Variants in THTPA observed in about 807,000 individuals in gnomAD.
THTPA encodes thiamine-triphosphatase.
In THTPA, 16 loss-of-function variants were observed where a neutral mutation model predicts 16.5. That is an observed-to-expected ratio of 0.97 (90% CI 0.66 to 1.47). The LOEUF is 1.47. THTPA is among the 40% of genes most tolerant of loss of function. The pLI, the probability that THTPA is intolerant of heterozygous loss-of-function variation, is 0.00. For synonymous variants in THTPA, 110 were observed against 115.5 expected (o/e 0.95, Z 0.30); for missense variants, 281 against 280.9 (o/e 1.00, Z 0.00).
the THTPA span, among the ~76,000 whole-genome samples, chr14:23,519,547 CTG>C: frequency 6.6e-6 from 1 of 152,120 alleles, no homozygotes; most frequent in African/African-American, 2.4e-5. Context: ...TTGCCTAGAT[CTG>C]TGACTGGCAT....
the THTPA span, chr14:23,532,842 G>C: frequency 6.5e-7 from 1 of 1,536,426 alleles, no homozygotes; most frequent in Non-Finnish European, 8.7e-7. Context: ...TAGCAGCAAA[G>C]CTTGCAGCGG....
chr14:23,541,297 T>A, the THTPA span, among the ~76,000 whole-genome samples: 3 of 151,548 alleles, frequency 2.0e-5, no homozygotes, highest in Non-Finnish European at 4.4e-5. Flanking sequence ...ATTTTTTTTT[T>A]TTTTTTTTGA....
the THTPA span, chr14:23,512,707 T>C: frequency 1.3e-5 from 2 of 150,484 alleles, no homozygotes; most frequent in Admixed American, 6.6e-5. Context: ...TTAAAAAATA[T>C]ATATGTGTGT....
At chr14:23,518,991 T>C in the THTPA span, among the ~76,000 whole-genome samples, 1 of 152,134 alleles carries the variant, frequency 6.6e-6, no homozygotes, top group Non-Finnish European at 1.5e-5. The surrounding 1 kb of genome is among the most constrained non-coding windows in gnomAD (Gnocchi z 4.5). Context: ...TCAGGAAGCA[T>C]GTTAATTGAC....
the THTPA span, chr14:23,526,988 A>G: frequency 1.3e-6 from 2 of 1,492,060 alleles, no homozygotes; most frequent in Non-Finnish European, 8.9e-7. Flanking sequence ...AATGAGAAAA[A>G]GCCTAGTGGC....
chr14:23,523,732 G>A, the THTPA span: 3 of 1,536,310 alleles, frequency 2.0e-6, no homozygotes, highest in Non-Finnish European at 2.6e-6. The surrounding 1 kb of genome is among the most constrained non-coding windows in gnomAD (Gnocchi z 4.1). Flanking sequence ...TGCTCATCTG[G>A]GTCCTGTAGC....
At chr14:23,542,360 G>A in the THTPA span, 2 of 152,302 alleles carry the variant, frequency 1.3e-5, no homozygotes, top group African/African-American at 4.8e-5. Context: ...GCGGTAGGCT[G>A]AAACCACACA....
chr14:23,550,671 G>A, the THTPA span, among the ~76,000 whole-genome samples: 1 of 152,214 alleles, frequency 6.6e-6, no homozygotes, highest in Non-Finnish European at 1.5e-5. Context: ...GCAGACGAGC[G>A]GATGGGGGTG....
chr14:23,521,911 T>A, the THTPA span: 8 of 1,531,442 alleles, frequency 5.2e-6, no homozygotes, highest in Non-Finnish European at 7.0e-6. Context: ...CCCCTTGGGG[T>A]AAAAGAGGGA....
At chr14:23,535,456 C>A in the THTPA span, 8 of 1,177,236 alleles carry the variant, frequency 6.8e-6, no homozygotes, top group Non-Finnish European at 8.9e-6. The surrounding 1 kb of genome is among the most constrained non-coding windows in gnomAD (Gnocchi z 4.5). Context: ...TACTCCTGCC[C>A]CATCCTCTTC....
the THTPA span, among the ~76,000 whole-genome samples, chr14:23,520,243 C>G: frequency 6.6e-6 from 1 of 152,066 alleles, no homozygotes; most frequent in Non-Finnish European, 1.5e-5. This position sits in a 1 kb window ranked among gnomAD's most constrained non-coding sequence, Gnocchi z 8.7. Flanking sequence ...GGACGGGTCC[C>G]GACTCCCTTG....
the THTPA span, among the ~76,000 whole-genome samples, chr14:23,512,416 G>T: frequency 1.3e-5 from 2 of 152,098 alleles, no homozygotes; most frequent in Admixed American, 1.3e-4. Context: ...TGTGCGGCTG[G>T]GGGTGGGGAA....
At chr14:23,558,259 C>T (rs1882757346) in intron 1 of THTPA, among the ~76,000 whole-genome samples, 1 of 152,232 alleles carries the variant, frequency 6.6e-6, no homozygotes, top group African/African-American at 2.4e-5. Flanking sequence ...TATAGCTTCC[C>T]TCCTCTTCTT....
At chr14:23,539,525 T>C in the THTPA span, among the ~76,000 whole-genome samples, 1 of 151,894 alleles carries the variant, frequency 6.6e-6, no homozygotes, top group Non-Finnish European at 1.5e-5. Flanking sequence ...ATGGGGGAAA[T>C]AGTGAGACTT....
chr14:23,525,111 G>T, the THTPA span: 1 of 1,536,180 alleles, frequency 6.5e-7, no homozygotes, highest in Non-Finnish European at 8.7e-7. This position sits in a 1 kb window ranked among gnomAD's most constrained non-coding sequence, Gnocchi z 5.9. Context: ...AAGAAAGACT[G>T]CAGGGCTTGG....
At chr14:23,520,870 C>G in the THTPA span, 1 of 143,198 alleles carries the variant, frequency 7.0e-6, no homozygotes, top group African/African-American at 3.0e-5. The surrounding 1 kb of genome is among the most constrained non-coding windows in gnomAD (Gnocchi z 8.7). Flanking sequence ...TGGGAGTTTT[C>G]TTCCTTTTTT....
chr14:23,515,121 G>A, the THTPA span, among the ~76,000 whole-genome samples: 3 of 152,160 alleles, frequency 2.0e-5, no homozygotes, highest in Admixed American at 6.5e-5. Flanking sequence ...AGCAAAAGGA[G>A]GTGGAGAGAG....
In THTPA at chr14:23,557,168, A is replaced by G. The variant is rs1555350573; in HGVS notation, c.411A>G (p.Glu137=). ...AWKLVLLGAD[E]EEPQLRVDLD... is the part of the protein sequence containing the mutation. ...AGCTGGTGCTCTTGGGAGCTGATGA[A>G]GAGGAGCCACAGCTCAGGGTGGACT... Residue 137 remains glutamate, a synonymous_variant, in exon 1 of 2, where the codon GAA becomes GAG. Transcript: ENST00000288014. 5.0e-6 allele frequency: 8 copies of G among 1,613,984 alleles called. No homozygotes were observed. The highest frequency in any genetic ancestry group is 6.8e-6 in the Non-Finnish European group (8 of 1,180,016).
the THTPA span, chr14:23,520,954 G>A: frequency 0.035 from 5,211 of 150,836 alleles, 151 homozygotes; most frequent in Non-Finnish European, 0.048. This position sits in a 1 kb window ranked among gnomAD's most constrained non-coding sequence, Gnocchi z 8.7. Flanking sequence ...TCTTTTGTGC[G>A]CGTGTGCACG....
Sources: allele counts gnomAD v4.1 joint callset (sites outside exome capture counted in the v4.1 genomes callset), GRCh38; gene constraint gnomAD v4.1.1; non-coding constraint Gnocchi (gnomAD v3.1); transcripts MANE v1.5; gene names NCBI Gene and HGNC (gene_info 2026-07-23, HGNC 2026-07-21).